The following SCP2 variants were observed in gnomAD, a reference collection of about 807,000 sequenced individuals.
SCP2 encodes the protein SCP-2/3-oxoacyl-CoA thiolase.
SCP2 carries 48 observed loss-of-function variants against 71.4 expected under a neutral mutation model. That is an observed-to-expected ratio of 0.67 (90% CI 0.53 to 0.86). SCP2 has a LOEUF of 0.86. Among genes scored for constraint, SCP2 ranks in the 40% least tolerant of loss-of-function variants. The probability of loss-of-function intolerance (pLI) is 0.00; values close to 1 mark genes in which losing one functional copy is unlikely to be tolerated. For missense variants in SCP2, 560 were observed against 655.6 expected (o/e 0.85, Z 1.59); for synonymous variants, 220 against 218.1 (o/e 1.01, Z -0.08).
chr1:52,982,552 A>G (rs567070859), intron 10 of SCP2, among the ~76,000 whole-genome samples: 1 of 152,314 alleles, frequency 6.6e-6, no homozygotes, highest in South Asian at 2.1e-4. Context: ...CCTGGGTGAC[A>G]GAGCGAGACT....
rs537261406 is a variant in SCP2, at chr1:52,946,790, C to T, written c.128-1219C>T. On this transcript the variant is annotated intron_variant, in intron 2 of 15. Transcript: ENST00000371514. ...AAAAAAAAAAAGCCAGGCTTGGTGG[C>T]TCACACCTGTAATTCCAGCACCTTG... Among the ~76,000 whole-genome samples, 12 of 149,124 alleles carry T rather than the reference C, an allele frequency of 8.0e-5. No homozygotes were observed. In the South Asian group the frequency reaches 2.6e-3, roughly 32 times the overall value.
At chr1:52,994,972 C>T in intron 11 of SCP2, 2 of 512,522 alleles carry the variant, frequency 3.9e-6, no homozygotes, top group Admixed American at 2.2e-5. Flanking sequence ...CCCTTTTGGC[C>T]AGGTGCTTAA....
chr1:53,013,172 G>A (rs956873355), intron 11 of SCP2, among the ~76,000 whole-genome samples: 18 of 142,770 alleles, frequency 1.3e-4, no homozygotes, highest in Admixed American at 4.5e-4. Flanking sequence ...CTGGAGTGCA[G>A]TGGCATGATT....
chr1:52,974,511 T>C (rs1332326470), intron 6 of SCP2, among the ~76,000 whole-genome samples: 1 of 152,216 alleles, frequency 6.6e-6, no homozygotes, highest in Non-Finnish European at 1.5e-5. Context: ...TGGGTTCTAC[T>C]TATTTTAATT....
At chr1:52,950,354 G>A (rs927165677) in intron 3 of SCP2, among the ~76,000 whole-genome samples, 3 of 152,042 alleles carry the variant, frequency 2.0e-5, no homozygotes, top group African/African-American at 4.8e-5. Context: ...CCTCCTGACC[G>A]CGTGATCTGC....
intron 1 of SCP2, among the ~76,000 whole-genome samples, chr1:52,927,968 C>T (rs568672449): frequency 3.7e-4 from 56 of 152,340 alleles, no homozygotes; most frequent in African/African-American, 1.3e-3. Context: ...CAGGCTCCCA[C>T]GGCCGTTTTC....
chr1:52,975,978 A>T (rs966282386), intron 7 of SCP2, among the ~76,000 whole-genome samples: 1 of 152,230 alleles, frequency 6.6e-6, no homozygotes, highest in African/African-American at 2.4e-5. Flanking sequence ...CTCAGATTCA[A>T]TAATTCACTA....
chr1:53,049,927 TAAAATACTGAGATCATGGCAGGG>T (rs1449052620), intron 15 of SCP2: 1 of 152,266 alleles, frequency 6.6e-6, no homozygotes, highest in Non-Finnish European at 1.5e-5. Context: ...AGCATTCAGT[TAAAATACTGAGATCATGGCAGGG>T]AAATTATGCT....
chr1:52,993,637 A>G (rs1339999362), intron 11 of SCP2: 2 of 1,612,276 alleles, frequency 1.2e-6, no homozygotes, highest in Non-Finnish European at 1.7e-6. Flanking sequence ...CTGCTCTGTC[A>G]TCTATCACAC....
chr1:53,022,473 G>T (rs796167014), intron 12 of SCP2, among the ~76,000 whole-genome samples: 5 of 152,142 alleles, frequency 3.3e-5, no homozygotes, highest in African/African-American at 1.2e-4. Flanking sequence ...ATGTTTATTG[G>T]CTATATGCAT....
intron 12 of SCP2, among the ~76,000 whole-genome samples, chr1:53,022,479 T>C (rs560319671): frequency 6.6e-6 from 1 of 152,358 alleles, no homozygotes; most frequent in East Asian, 1.9e-4. Context: ...ATTGGCTATA[T>C]GCATATCTTC....
chr1:52,933,134 G>A (rs1044969419), intron 1 of SCP2, among the ~76,000 whole-genome samples: 3 of 152,188 alleles, frequency 2.0e-5, no homozygotes, highest in Non-Finnish European at 2.9e-5. Flanking sequence ...GGCAGGAAGT[G>A]TACAATGTGA....
rs1216107445 is a variant in SCP2 at position 52,927,452 on chromosome 1, T to A, written c.56T>A (p.Val19Asp). ...CTGCGCCGGGTGTTCGTGGTGGGGG[T>A]TGGCATGACCAAGGTAAACCGAGCA... Reference protein sequence around the residue: ...ATLRRVFVVGVGMTKFVKPGA... With the variant: ...ATLRRVFVVGDGMTKFVKPGA... The change falls in exon 1 of 16, where the codon GTT (valine) becomes GAT (aspartate). Residue 19 changes from valine to aspartate, a missense_variant. Physicochemically the swap from Val to Asp is radical, Grantham distance 152. Transcript: ENST00000371514. The A allele has an allele frequency of 6.2e-7, 1 of 1,600,884 alleles. No homozygotes were observed. Among genetic ancestry groups the A allele is most frequent in the African/African-American group, 1.3e-5 (1 of 74,882 alleles).
At chr1:52,975,496 G>A (rs1388032393) in intron 7 of SCP2, among the ~76,000 whole-genome samples, 1 of 151,710 alleles carries the variant, frequency 6.6e-6, no homozygotes, top group African/African-American at 2.4e-5. Context: ...TAGTTGAGAC[G>A]AGCTTTTGCC....
intron 13 of SCP2, among the ~76,000 whole-genome samples, chr1:53,037,978 C>CCTGTCTCTAT (rs1557628121): frequency 0.023 from 2,628 of 115,600 alleles, 97 homozygotes; most frequent in African/African-American, 0.099. Context: ...CACACACACA[C>CCTGTCTCTAT]ACACACACAC....
intron 14 of SCP2, among the ~76,000 whole-genome samples, chr1:53,044,301 G>A (rs866965794): frequency 6.6e-5 from 10 of 152,090 alleles, no homozygotes; most frequent in East Asian, 3.9e-4. Flanking sequence ...CAGGTGATCC[G>A]CCCACCTCAG....
At chr1:52,930,738 T>C (rs1276457166) in intron 1 of SCP2, among the ~76,000 whole-genome samples, 2 of 152,254 alleles carry the variant, frequency 1.3e-5, no homozygotes, top group Non-Finnish European at 2.9e-5. Flanking sequence ...GTAATGGATT[T>C]TTATATCCAT....
At chr1:53,042,467 C>T (rs993898551) in intron 14 of SCP2, among the ~76,000 whole-genome samples, 9 of 152,070 alleles carry the variant, frequency 5.9e-5, no homozygotes, top group Admixed American at 1.3e-4. Context: ...CCTCCAGATA[C>T]GTTCTTGCCA....
chr1:53,022,913 C>T (rs1399991108), intron 12 of SCP2, among the ~76,000 whole-genome samples: 2 of 151,992 alleles, frequency 1.3e-5, no homozygotes, highest in Non-Finnish European at 2.9e-5. Context: ...TTTTTATCTT[C>T]AAGTTTCCTT....
Sources: allele counts gnomAD v4.1 joint callset (sites outside exome capture counted in the v4.1 genomes callset), GRCh38; gene constraint gnomAD v4.1.1; transcripts MANE v1.5; gene names NCBI Gene and HGNC (gene_info 2026-07-23, HGNC 2026-07-21).